The following RPUSD1 variants were observed in gnomAD, a reference collection of about 807,000 sequenced individuals.
RPUSD1 encodes the protein pseudouridylate synthase RPUSD1.
Under a neutral mutation model 22.4 loss-of-function variants are expected in RPUSD1, and 28 were observed. That is an observed-to-expected ratio of 1.25 (90% CI 0.93 to 1.72). The LOEUF (loss-of-function observed/expected upper bound fraction) is 1.72, where lower values mean the gene tolerates loss of function less well. RPUSD1 is among the 40% of genes most tolerant of loss of function. The pLI, the probability that RPUSD1 is intolerant of heterozygous loss-of-function variation, is 0.00. For missense variants in RPUSD1, 596 were observed against 442.2 expected (o/e 1.35, Z -3.12); for synonymous variants, 298 against 201.0 (o/e 1.48, Z -4.08).
chr16:786,517 G>A lies in RPUSD1; in HGVS notation c.512-140C>T, dbSNP rs765237156. ...TGGGGTGGAACTCTCCCTGTCCCCT[G>A]CCATGAGTGAGGATGACAGTATTTA... On this transcript the variant is annotated intron_variant, in intron 5 of 5. Coordinates refer to ENST00000007264, the MANE Select transcript of RPUSD1 (RefSeq NM_058192.3). 1.3e-4 allele frequency: 108 copies of A among 829,160 alleles called. No homozygotes were observed. In the Admixed American group the frequency reaches 1.5e-3, roughly 11 times the overall value. 51.4% of individuals were successfully genotyped at this position (829,160 alleles called of 1,614,324 possible).
rs1442399930 is a variant in RPUSD1 at position 786,213 on chromosome 16, T to C, written c.676A>G (p.Thr226Ala). ...PTDTECVEVC[T>A]PDPFLPSLDA... ...AGGGAGGGCAGGAAGGGGTCAGGCG[T>C]GCAGACCTCCACACACTCGGTGTCC... Residue 226 changes from threonine to alanine, a missense_variant, in exon 6 of 6, where the codon ACG (threonine) becomes GCG (alanine). Transcript: ENST00000007264. 3 of 1,612,714 alleles carry C rather than the reference T, an allele frequency of 1.9e-6. No individual in the cohort carries two copies. The highest frequency in any genetic ancestry group is 1.3e-5 in the African/African-American group (1 of 75,022).
rs765636889 is a variant in RPUSD1, at chr16:787,090, G to A, written c.396C>T (p.Ile132=). The change falls in exon 4 of 6, where the codon ATC becomes ATT. Residue 132 remains isoleucine (I), a synonymous_variant. Coordinates refer to ENST00000007264, the MANE Select transcript of RPUSD1 (RefSeq NM_058192.3). ...TGCCTGCCACACCCTGCGAGCCCTC[G>A]ATGCACATGGTGTGGGCCCGGCCCT... ...STEGRAHTMC[I]EGSQGCENPK... 1.4e-5 allele frequency: 22 copies of A among 1,606,502 alleles called. No individual in the cohort carries two copies. The Admixed American group carries it at 2.3e-4, about 17-fold the overall frequency.
chr16:786,048 G>A lies in RPUSD1; in HGVS notation c.841C>T (p.Arg281Trp), dbSNP rs757101019. Residue 281 changes from arginine (R) to tryptophan (W), a missense_variant, in exon 6 of 6, where the codon CGG becomes TGG. Physicochemically the swap from Arg to Trp is moderately radical, Grantham distance 101. Transcript: ENST00000007264. Reference sequence around the variant, plus strand: ...GGCTTGGTTGGGGGTGGAGGAGGCCGGCCGGGCCCAGGCAGGAGTGCGGAG... The same window carrying A: ...GGCTTGGTTGGGGGTGGAGGAGGCCAGCCGGGCCCAGGCAGGAGTGCGGAG... ...SPSALLPGPG[R>W]PPPPPTKPPE... The A allele has an allele frequency of 1.6e-5, 25 of 1,521,866 alleles. 1 individual carries two copies. The highest frequency in any genetic ancestry group is 3.6e-4 in the Middle Eastern group (2 of 5,548). 94.3% of individuals were successfully genotyped at this position (1,521,866 alleles called of 1,614,324 possible). A position where few individuals can be genotyped will look rare whatever the true frequency, so the allele number is the denominator to read the frequency against.
At position 786,949 on chromosome 16, in the gene RPUSD1, G is replaced by C. The variant is rs745739183; in HGVS notation, c.410-21C>G. 6 of 1,607,970 alleles carry C rather than the reference G, an allele frequency of 3.7e-6. No homozygotes were observed. The South Asian group carries it at 5.5e-5, about 15-fold the overall frequency. ...ACAACCTGGGGCGCAGAAGGCAGGTGTGAGGTTAGTGGGACTGACCCGGGG... is the reference window on the plus strand; with the variant it reads ...ACAACCTGGGGCGCAGAAGGCAGGTCTGAGGTTAGTGGGACTGACCCGGGG... On this transcript the variant is annotated intron_variant, in intron 4 of 5. Coordinates refer to ENST00000007264, the MANE Select transcript of RPUSD1 (RefSeq NM_058192.3).
At chr16:787,011 G>A in intron 4 of RPUSD1, 66 bp downstream of exon 4, 2 of 1,565,796 alleles carry the variant, frequency 1.3e-6, no homozygotes, top group South Asian at 1.2e-5. Context: ...CCGCCCGGTG[G>A]GTCCCTGCCT....
Position 785,669 on chromosome 16 carries a change from G to A in RPUSD1, c.*281C>T, listed in dbSNP as rs1463544187. ...GAGCCGGAAGCTGTTCCAGGAGGAG[G>A]GAGGGGCCTCGGTTTCTCCCGGGGC... On this transcript the variant is annotated 3_prime_UTR_variant, in exon 6 of 6. Coordinates refer to ENST00000007264, the MANE Select transcript of RPUSD1 (RefSeq NM_058192.3). 1 of 376,872 alleles carries A rather than the reference G, an allele frequency of 2.7e-6. No homozygotes were observed. Among genetic ancestry groups the A allele is most frequent in the Non-Finnish European group, 4.7e-6 (1 of 212,568 alleles). The allele number at this position is 376,872 out of a possible 1,614,324, so 23.3% of individuals were successfully genotyped here.
Position 786,007 on chromosome 16 carries a change from T to G in RPUSD1, c.882A>C (p.Ala294=). Residue 294 remains alanine (A), a synonymous_variant, in exon 6 of 6, where the codon GCA becomes GCC. Transcript: ENST00000007264. Reference sequence around the variant, plus strand: ...GCCACTGCAGGCAGGGGCCCCGCTGTGCCTCAGTCTCAGGGGGCTTGGTTG... The same window carrying G: ...GCCACTGCAGGCAGGGGCCCCGCTGGGCCTCAGTCTCAGGGGGCTTGGTTG... The part of the protein sequence containing the change: ...PPPTKPPETE[A]QRGPCLQWLS... 3 of 1,472,252 alleles carry G rather than the reference T, an allele frequency of 2.0e-6. No homozygotes were observed. In the South Asian group the frequency reaches 4.1e-5, roughly 20 times the overall value. The allele number at this position is 1,472,252 out of a possible 1,614,324, so 91.2% of individuals were successfully genotyped here.
At chr16:788,159 C>G (rs1338429507) in intron 1 of RPUSD1, 97 bp downstream of exon 1, 4 of 436,856 alleles carry the variant, frequency 9.2e-6, no homozygotes, top group Admixed American at 2.6e-5. Context: ...TCCTCGCTCC[C>G]CGCAGTCCGC....
intron 1 of RPUSD1, 112 bp from the exon 2 acceptor site, chr16:787,856 C>G: frequency 1.8e-6 from 2 of 1,125,722 alleles, no homozygotes; most frequent in South Asian, 2.9e-5. Context: ...GCCACCGAGC[C>G]GGGTCCGCAG....
At chr16:788,127 A>C (rs1234533006) in intron 1 of RPUSD1, 129 bp downstream of exon 1, 2 of 460,922 alleles carry the variant, frequency 4.3e-6, no homozygotes, top group East Asian at 7.1e-5. Context: ...GTCTGCCCGC[A>C]GCGCGGGTTA....
At chr16:787,979 G>A (rs753305741) in intron 1 of RPUSD1, 4 of 585,648 alleles carry the variant, frequency 6.8e-6, no homozygotes, top group East Asian at 2.9e-5. Flanking sequence ...CCTGACCTAA[G>A]CCTGGAGAAA....
intron 1 of RPUSD1, chr16:788,024 C>T (rs1411591950): frequency 1.8e-6 from 1 of 550,736 alleles, no homozygotes; most frequent in Non-Finnish European, 3.3e-6. Context: ...AGATCCTCCC[C>T]ACAGACCCTC....
intron 3 of RPUSD1, 72 bp downstream of exon 3, chr16:787,282 G>C (rs965564902): frequency 2.2e-5 from 34 of 1,547,840 alleles, no homozygotes; most frequent in Admixed American, 1.5e-4. Flanking sequence ...GGGAGGCTCT[G>C]AGCCAGGGCT....
At chr16:786,697 G>C (rs779182473) in intron 5 of RPUSD1, 130 bp downstream of exon 5, 2 of 826,872 alleles carry the variant, frequency 2.4e-6, no homozygotes, top group Admixed American at 1.7e-5. Flanking sequence ...GCAGGGCGTG[G>C]AGTTAAGAAC....
At position 787,880 on chromosome 16, in the gene RPUSD1, C is replaced by T. The variant is rs1214531540; in HGVS notation, c.-7-136G>A. The T allele has an allele frequency of 5.1e-6, 4 of 791,914 alleles. No individual in the cohort carries two copies. In the South Asian group the frequency reaches 5.2e-5, roughly 10 times the overall value. 49.1% of individuals were successfully genotyped at this position (791,914 alleles called of 1,614,324 possible). ...CCGGGTCCGCAGCCCTACTGTGCAC[C>T]TGCATCCTCAGTCCCCGAGATCAGT... is the stretch of plus-strand genomic sequence containing the variant. On this transcript the variant is annotated intron_variant, in intron 1 of 5. Transcript: ENST00000007264.
Position 787,464 on chromosome 16 carries a change from G to A in RPUSD1, c.196C>T (p.Leu66=), listed in dbSNP as rs764493187. 1 of 1,585,996 alleles carries A rather than the reference G, an allele frequency of 6.3e-7. No individual in the cohort carries two copies. The highest frequency in any genetic ancestry group is 8.6e-7 in the Non-Finnish European group (1 of 1,166,184). Residue 66 remains leucine (L), a synonymous_variant, in exon 3 of 6, where the codon CTG becomes TTG. Coordinates refer to ENST00000007264, the MANE Select transcript of RPUSD1 (RefSeq NM_058192.3). The stretch of plus-strand genomic sequence containing the variant: ...AGCGCCCCGCTGGTGGAGAAATCCA[G>A]CTGGTGGCAGAACCTGGAGTGGGAC... ...TCYGFRFCHQ[L]DFSTSGALCV...
intron 1 of RPUSD1, chr16:787,990 G>A (rs1387200269): frequency 1.6e-5 from 9 of 576,934 alleles, no homozygotes; most frequent in Admixed American, 6.2e-5. Context: ...CCTGGAGAAA[G>A]AGCCCGTTCC....
At position 787,598 on chromosome 16, in the gene RPUSD1, C is replaced by G; in HGVS notation, c.140G>C (p.Arg47Pro). 1.2e-6 allele frequency: 2 copies of G among 1,611,306 alleles called. No homozygotes were observed. Among genetic ancestry groups the G allele is most frequent in the Admixed American group, 1.7e-5 (1 of 60,008 alleles). ...GTCAGGGTCGGCCAGCTCGGGAAAGCGGTACCGCAGCTGCTTCTGCAGGGT... is the reference window on the plus strand; with the variant it reads ...GTCAGGGTCGGCCAGCTCGGGAAAGGGGTACCGCAGCTGCTTCTGCAGGGT... ...TLTLQKQLRY[R>P]FPELADPDTC... The change falls in exon 2 of 6, where the codon CGC becomes CCC. Residue 47 changes from arginine (R) to proline (P), a missense_variant. Coordinates refer to ENST00000007264, the MANE Select transcript of RPUSD1 (RefSeq NM_058192.3).
intron 4 of RPUSD1, 44 bp from the exon 5 acceptor site, chr16:786,972 G>A (rs1163882944): frequency 8.2e-6 from 13 of 1,593,234 alleles, no homozygotes; most frequent in Non-Finnish European, 1.1e-5. Flanking sequence ...GACTGACCCG[G>A]GGCCCAGGCC....
Sources: gnomAD v4.1 joint callset for allele counts on GRCh38, gnomAD v4.1.1 for gene constraint, MANE v1.5 for transcripts, NCBI Gene and HGNC (gene_info 2026-07-23, HGNC 2026-07-21) for gene names.